The following HADHB variants were observed in gnomAD, a reference collection of about 807,000 sequenced individuals.
HADHB encodes trifunctional enzyme subunit beta, mitochondrial.
HADHB carries 50 observed loss-of-function variants against 61.9 expected under a neutral mutation model. That is an observed-to-expected ratio of 0.81 (90% CI 0.64 to 1.02). The LOEUF (loss-of-function observed/expected upper bound fraction) is 1.02. HADHB is among the 50% of genes least tolerant of loss of function. HADHB has a pLI of 0.00. For missense variants in HADHB, 504 were observed against 586.5 expected (o/e 0.86, Z 1.45); for synonymous variants, 191 against 201.6 (o/e 0.95, Z 0.45).
intron 1 of HADHB, among the ~76,000 whole-genome samples, chr2:26,248,665 G>A (rs192031553): frequency 6.6e-6 from 1 of 152,278 alleles, no homozygotes; most frequent in Non-Finnish European, 1.5e-5. Flanking sequence ...TTAGTTAGAT[G>A]CATTCTTACT....
chr2:26,254,061 G>A (rs1387894597), intron 1 of HADHB, among the ~76,000 whole-genome samples, 186 bp from the exon 2 acceptor site: 2 of 152,054 alleles, frequency 1.3e-5, no homozygotes, highest in African/African-American at 2.4e-5. Flanking sequence ...AATAGTGGTT[G>A]CTGCAATGTG....
chr2:26,253,432 C>G (rs1160221476), intron 1 of HADHB, among the ~76,000 whole-genome samples: 1 of 152,170 alleles, frequency 6.6e-6, no homozygotes, highest in Non-Finnish European at 1.5e-5. Flanking sequence ...TCTACATAAT[C>G]ATAGTACAGC....
chr2:26,267,541 G>A (rs1461809800), intron 4 of HADHB, among the ~76,000 whole-genome samples: 1 of 152,160 alleles, frequency 6.6e-6, no homozygotes, highest in African/African-American at 2.4e-5. Flanking sequence ...GGAGGCCAAG[G>A]TGAATGGATC....
intron 3 of HADHB, chr2:26,261,366 C>T (rs1459497461): frequency 3.8e-6 from 1 of 266,292 alleles, no homozygotes; most frequent in Non-Finnish European, 7.2e-6. Context: ...TTCAATATTT[C>T]ATGACTTTCT....
rs1671061544 is a variant in HADHB at position 26,244,970 on chromosome 2, T to C, written c.-29T>C. 1 of 280,694 alleles carries C rather than the reference T, an allele frequency of 3.6e-6. No homozygotes were observed. The highest frequency in any genetic ancestry group is 7.2e-6 in the Non-Finnish European group (1 of 139,818). The allele number at this position is 280,694 out of a possible 1,614,324, so 17.4% of individuals were successfully genotyped here. On this transcript the variant is annotated 5_prime_UTR_variant, in exon 1 of 16. Coordinates refer to ENST00000317799, the MANE Select transcript of HADHB (RefSeq NM_000183.3). ...ACCTGAACCTTGCTCCGAGAGGGAG[T>C]CCTCGCGGACGTCAGCCAAGGTGAG...
chr2:26,279,073 C>T (rs1672675303), intron 8 of HADHB, 62 bp from the exon 9 acceptor site: 2 of 1,290,366 alleles, frequency 1.5e-6, no homozygotes, highest in Non-Finnish European at 2.3e-6. Flanking sequence ...ACAGAACAAT[C>T]CTAGGTGTTA....
rs1194521853 is a variant in HADHB at position 26,260,722 on chromosome 2, G to A, written c.110-2658G>A. 3 of 394,880 alleles carry A rather than the reference G, an allele frequency of 7.6e-6. No individual in the cohort carries two copies. In the Admixed American group the frequency reaches 1.2e-4, roughly 16 times the overall value. The allele number at this position is 394,880 out of a possible 1,614,324, so 24.5% of individuals were successfully genotyped here. A position where few individuals can be genotyped will look rare whatever the true frequency, so the allele number is the denominator to read the frequency against. The stretch of plus-strand genomic sequence containing the variant: ...TCAAGTTAAGGATGAGAAGGTTTGT[G>A]TGTACTACAGCTGGAAAGGTGTTAG... On this transcript the variant is annotated intron_variant, in intron 3 of 15. Transcript: ENST00000317799.
At chr2:26,283,494 AGCCTGG>A (rs1558360296) in intron 12 of HADHB, among the ~76,000 whole-genome samples, 1 of 152,216 alleles carries the variant, frequency 6.6e-6, no homozygotes, top group East Asian at 1.9e-4. Flanking sequence ...ACTGCACTCC[AGCCTGG>A]GCGACAGAGC....
chr2:26,262,361 A>G (rs1331088282), intron 3 of HADHB, among the ~76,000 whole-genome samples: 1 of 152,232 alleles, frequency 6.6e-6, no homozygotes, highest in African/African-American at 2.4e-5. Context: ...AGCCAATAAA[A>G]TATACATAAT....
intron 13 of HADHB, 88 bp downstream of exon 13, chr2:26,284,292 G>T (rs1574668691): frequency 2.5e-6 from 2 of 810,482 alleles, no homozygotes; most frequent in East Asian, 4.9e-5. Flanking sequence ...CATGGTTTAT[G>T]ATGTGAGTAG....
chr2:26,265,914 T>A (rs1007996482), intron 4 of HADHB, among the ~76,000 whole-genome samples: 3 of 151,624 alleles, frequency 2.0e-5, no homozygotes, highest in Admixed American at 2.0e-4. Flanking sequence ...AAAAATAACA[T>A]TAGAGGCCAG....
At chr2:26,263,779 G>A (rs1304000054) in intron 4 of HADHB, among the ~76,000 whole-genome samples, 1 of 152,192 alleles carries the variant, frequency 6.6e-6, no homozygotes, top group Non-Finnish European at 1.5e-5. Flanking sequence ...CTGGAGACAA[G>A]TACATTGTCC....
chr2:26,247,748 G>C (rs765980952), intron 1 of HADHB, among the ~76,000 whole-genome samples: 7 of 152,124 alleles, frequency 4.6e-5, no homozygotes, highest in Admixed American at 1.3e-4. Context: ...ATTCGGTATT[G>C]TAAGTAGTCT....
intron 6 of HADHB, among the ~76,000 whole-genome samples, chr2:26,276,527 G>C (rs901825684): frequency 6.6e-6 from 1 of 152,212 alleles, no homozygotes; most frequent in African/African-American, 2.4e-5. Context: ...AGAAAGATAG[G>C]TGTAAAGCAG....
At position 26,284,103 on chromosome 2, in the gene HADHB, T is replaced by A. The variant is rs760357287; in HGVS notation, c.1062-14T>A. ...AATTAAAGTTTTAAGATATTACTTA[T>A]TTTTTCTTTGCAGACCAACATATGC... On this transcript the variant is annotated splice_polypyrimidine_tract_variant and intron_variant, in intron 12 of 15. Coordinates refer to ENST00000317799, the MANE Select transcript of HADHB (RefSeq NM_000183.3). 1 of 1,478,442 alleles carries A rather than the reference T, an allele frequency of 6.8e-7. No individual in the cohort carries two copies. The highest frequency in any genetic ancestry group is 1.1e-5 in the South Asian group (1 of 88,274). The allele number at this position is 1,478,442 out of a possible 1,614,324, so 91.6% of individuals were successfully genotyped here. A position where few individuals can be genotyped will look rare whatever the true frequency, so the allele number is the denominator to read the frequency against.
chr2:26,252,435 T>C (rs1671435004), intron 1 of HADHB, among the ~76,000 whole-genome samples: 1 of 152,164 alleles, frequency 6.6e-6, no homozygotes, highest in Non-Finnish European at 1.5e-5. Context: ...AGGTGTGTGA[T>C]GACAAGTCTT....
intron 1 of HADHB, among the ~76,000 whole-genome samples, chr2:26,248,641 A>G (rs1330121504): frequency 6.6e-6 from 1 of 152,252 alleles, no homozygotes; most frequent in African/African-American, 2.4e-5. Context: ...CTTCTAGTGT[A>G]TGGAAGTGCC....
At chr2:26,270,721 T>G (rs999184348) in intron 5 of HADHB, among the ~76,000 whole-genome samples, 3 of 152,204 alleles carry the variant, frequency 2.0e-5, no homozygotes, top group African/African-American at 7.2e-5. Flanking sequence ...AATGGTTTTA[T>G]GATTGCTCAA....
intron 4 of HADHB, among the ~76,000 whole-genome samples, 168 bp from the exon 5 acceptor site, chr2:26,269,785 C>T (rs1048640354): frequency 3.9e-5 from 6 of 152,104 alleles, no homozygotes; most frequent in East Asian, 1.9e-4. Flanking sequence ...TGACAAATAG[C>T]GAAGTCACAC....
Sources: allele counts gnomAD v4.1 joint callset (sites outside exome capture counted in the v4.1 genomes callset), GRCh38; gene constraint gnomAD v4.1.1; transcripts MANE v1.5; gene names NCBI Gene and HGNC (gene_info 2026-07-23, HGNC 2026-07-21).